The following CBR4 variants were observed in gnomAD, a reference collection of about 807,000 sequenced individuals.
CBR4 encodes the protein carbonyl reductase 4.
In CBR4, 22 loss-of-function variants were observed where a neutral mutation model predicts 21.0. That is an observed-to-expected ratio of 1.05 (90% confidence interval 0.75 to 1.50). CBR4 has a LOEUF of 1.50. Among genes scored for constraint, CBR4 ranks in the 40% most tolerant of loss-of-function variants. CBR4 has a pLI of 0.00. For synonymous variants in CBR4, 100 were observed against 104.4 expected (o/e 0.96, Z 0.26); for missense variants, 302 against 286.3 (o/e 1.05, Z -0.40).
At chr4:168,986,673 G>A (rs1764702639), downstream of CBR4, among the ~76,000 whole-genome samples, 1 of 152,152 alleles carries the variant, frequency 6.6e-6, no homozygotes, top group African/African-American at 2.4e-5. Context: ...GCCGGGCATG[G>A]TGGCTCACGC....
In CBR4 at chr4:169,000,587, G is replaced by A. The variant is rs13145001; in HGVS notation, c.535+1484C>T. ...CTTCAGCCCTCTCTTTCTTACAAAGGACCAGCAAACCAAAATAAACTGCCT... is the reference window on the plus strand; with the variant it reads ...CTTCAGCCCTCTCTTTCTTACAAAGAACCAGCAAACCAAAATAAACTGCCT... On this transcript the variant is annotated intron_variant, in intron 4 of 4. Coordinates refer to ENST00000306193, the MANE Select transcript of CBR4 (RefSeq NM_032783.5). Among the ~76,000 whole-genome samples, 880 of 152,156 alleles carry A rather than the reference G, an allele frequency of 5.8e-3. 3 individuals are homozygous for A. Among genetic ancestry groups the A allele is most frequent in the Non-Finnish European group, 9.2e-3 (623 of 67,992 alleles).
chr4:168,937,557 C>T (rs1763146942), intron 2 of CBR4, among the ~76,000 whole-genome samples: 2 of 151,476 alleles, frequency 1.3e-5, no homozygotes, highest in Non-Finnish European at 2.9e-5. Context: ...GTCCTATATT[C>T]AGGAGACCCA....
intron 2 of CBR4, among the ~76,000 whole-genome samples, chr4:168,905,148 T>TG (rs1757396569): frequency 7.7e-6 from 1 of 129,564 alleles, no homozygotes; most frequent in South Asian, 2.8e-4. Context: ...GTTTTTTTTT[T>TG]TTTTTTTTTT....
intron 2 of CBR4, among the ~76,000 whole-genome samples, chr4:168,981,866 G>C (rs2126784825): frequency 6.6e-6 from 1 of 152,282 alleles, no homozygotes; most frequent in East Asian, 1.9e-4. Context: ...CAAATGCTAA[G>C]GGCATTTGTT....
chr4:168,989,486 A>G lies in CBR4; in HGVS notation c.*664T>C. ...AATTCTAAATTCATGTCTTTAATGA[A>G]TACTATGTTTTGCAACCTGTATAAA... On this transcript the variant is annotated 3_prime_UTR_variant, in exon 5 of 5. Transcript: ENST00000306193. 1.0e-6 allele frequency: 1 copy of G among 985,390 alleles called. No individual in the cohort carries two copies. The highest frequency in any genetic ancestry group is 4.7e-5 in the South Asian group (1 of 21,284). 61.0% of individuals were successfully genotyped at this position (985,390 alleles called of 1,614,324 possible).
In CBR4 at chr4:168,989,971, A is replaced by C. The variant is rs1764829980; in HGVS notation, c.*179T>G. 8.0e-7 allele frequency: 1 copy of C among 1,257,510 alleles called. No individual in the cohort carries two copies. Among genetic ancestry groups the C allele is most frequent in the Non-Finnish European group, 1.0e-6 (1 of 1,000,520 alleles). The allele number at this position is 1,257,510 out of a possible 1,614,324, so 77.9% of individuals were successfully genotyped here. On this transcript the variant is annotated 3_prime_UTR_variant, in exon 5 of 5. Coordinates refer to ENST00000306193, the MANE Select transcript of CBR4 (RefSeq NM_032783.5). ...TGATGTAACTTAGACCAAAAAAAAA[A>C]AAACCACAATTTGTCACACATTGTT...
chr4:169,010,209 C>CA lies in CBR4; in HGVS notation c.-121dup, dbSNP rs1185625038. 845 of 729,604 alleles carry CA rather than the reference C, an allele frequency of 1.2e-3. 1 individual carries two copies. The highest frequency in any genetic ancestry group is 1.3e-3 in the Non-Finnish European group (624 of 497,392). The allele number at this position is 729,604 out of a possible 1,614,324, so 45.2% of individuals were successfully genotyped here. On this transcript the variant is annotated 5_prime_UTR_variant, in exon 1 of 5. Coordinates refer to ENST00000306193, the MANE Select transcript of CBR4 (RefSeq NM_032783.5). The stretch of plus-strand genomic sequence containing the variant: ...AAAAAAGAAAAAAAAAGGCAAACCG[C>CA]AAAAAAAAATAACGCCGCTCGACAC...
chr4:168,901,047 T>C (rs1756405025), intron 2 of CBR4, among the ~76,000 whole-genome samples: 1 of 152,218 alleles, frequency 6.6e-6, no homozygotes, highest in Non-Finnish European at 1.5e-5. Flanking sequence ...ATTTAAATGT[T>C]TCACAGCTAG....
chr4:169,009,024 G>C, intron 1 of CBR4: 1 of 454,136 alleles, frequency 2.2e-6, no homozygotes. Flanking sequence ...TCAGGAGTTG[G>C]GGTCCAGCAC....
intron 2 of CBR4, among the ~76,000 whole-genome samples, chr4:168,965,119 GACAAACAGCCAAATC>G (rs1763980650): frequency 6.6e-6 from 1 of 151,986 alleles, no homozygotes; most frequent in Admixed American, 6.6e-5. Context: ...ACCAATAATA[GACAAACAGCCAAATC>G]ATGAGTGAAC....
chr4:168,975,952 C>A (rs1316374099), intron 2 of CBR4, among the ~76,000 whole-genome samples: 1 of 152,188 alleles, frequency 6.6e-6, no homozygotes. Flanking sequence ...TCCCTAACCG[C>A]ACTGGAGTTA....
At chr4:168,972,631 G>T (rs1229437768) in intron 2 of CBR4, among the ~76,000 whole-genome samples, 1 of 152,160 alleles carries the variant, frequency 6.6e-6, no homozygotes, top group Non-Finnish European at 1.5e-5. Flanking sequence ...TACTGATTTT[G>T]TATCCTGAAA....
At chr4:169,004,925 G>A (rs1730778016) in intron 3 of CBR4, among the ~76,000 whole-genome samples, 1 of 152,002 alleles carries the variant, frequency 6.6e-6, no homozygotes, top group Admixed American at 6.6e-5. Flanking sequence ...AAACAGAAGT[G>A]GGGAAGTAAT....
intron 2 of CBR4, among the ~76,000 whole-genome samples, chr4:168,968,346 G>A (rs985923550): frequency 6.6e-6 from 1 of 152,180 alleles, no homozygotes; most frequent in African/African-American, 2.4e-5. Context: ...CAGTAGAGTG[G>A]ATCATGATGT....
Position 168,921,550 on chromosome 4 carries a change from C to T in CBR4, n.170-26785G>A, listed in dbSNP as rs371498362. The T allele has an allele frequency of 2.5e-5, 40 of 1,605,346 alleles. No homozygotes were observed. Among genetic ancestry groups the T allele is most frequent in the Non-Finnish European group, 3.4e-5 (40 of 1,176,794 alleles). ...ATGATTTAGGTCAGTGGGTTACCAA[C>T]CCCAGATCTAAGCTGGCAACTAGAT... is the stretch of plus-strand genomic sequence containing the variant. On this transcript the variant is annotated intron_variant and non_coding_transcript_variant, in intron 2 of 3. Coordinates refer to the CBR4 transcript ENST00000509108.
intron 2 of CBR4, chr4:168,896,623 C>T: frequency 1.5e-6 from 2 of 1,373,864 alleles, no homozygotes; most frequent in Non-Finnish European, 2.0e-6. Context: ...CCTTTCTTCT[C>T]CTTCCAGTCT....
chr4:168,953,866 A>G (rs1763614375), intron 2 of CBR4, among the ~76,000 whole-genome samples: 1 of 152,210 alleles, frequency 6.6e-6, no homozygotes, highest in Admixed American at 6.5e-5. Flanking sequence ...GAAAACTTCT[A>G]TTATTAATTT....
chr4:168,966,501 T>G (rs1442111820), intron 2 of CBR4, among the ~76,000 whole-genome samples: 1 of 150,674 alleles, frequency 6.6e-6, no homozygotes, highest in African/African-American at 2.4e-5. Context: ...CCTTTCAGCC[T>G]GGACGACAGA....
chr4:168,999,684 G>GA (rs1730249160), intron 4 of CBR4, among the ~76,000 whole-genome samples: 1 of 135,826 alleles, frequency 7.4e-6, no homozygotes, highest in Non-Finnish European at 1.6e-5. Flanking sequence ...CTTTAAGAAA[G>GA]AAAGACTACA....
Sources: gnomAD v4.1 joint callset for allele counts (sites outside exome capture counted in the v4.1 genomes callset) on GRCh38, gnomAD v4.1.1 for gene constraint, MANE v1.5 for transcripts, NCBI Gene and HGNC (gene_info 2026-07-23, HGNC 2026-07-21) for gene names.